SCAI: variants seen among roughly 807,000 people sequenced by gnomAD.
SCAI encodes suppressor of cancer cell invasion, also known as protein SCAI.
In SCAI, 24 loss-of-function variants were observed where a neutral mutation model predicts 92.2. The ratio of observed to expected loss-of-function variants is 0.26; its 90% CI spans 0.19 to 0.37. SCAI has a LOEUF of 0.37. Ranked by LOEUF, SCAI falls within the 10% of genes least tolerant of loss-of-function variation. The pLI is 1.00. For synonymous variants in SCAI, 261 were observed against 258.6 expected (o/e 1.01, Z -0.09); for missense variants, 450 against 736.2 (o/e 0.61, Z 4.50).
intron 2 of SCAI, among the ~76,000 whole-genome samples, chr9:125,116,498 G>GAT (rs1835049651): frequency 6.6e-6 from 1 of 151,920 alleles, no homozygotes; most frequent in African/African-American, 2.4e-5. Flanking sequence ...AGGAATATAG[G>GAT]ATAGACTATA....
At chr9:125,093,412 A>G (rs772527602) in intron 2 of SCAI, among the ~76,000 whole-genome samples, 2 of 152,066 alleles carry the variant, frequency 1.3e-5, no homozygotes, top group South Asian at 2.1e-4. Flanking sequence ...CTCCTTCTCA[A>G]AGTTTCCACT....
intron 3 of SCAI, among the ~76,000 whole-genome samples, chr9:125,034,317 A>T (rs973277527): frequency 1.3e-5 from 2 of 152,206 alleles, no homozygotes; most frequent in African/African-American, 4.8e-5. Flanking sequence ...AAAAGGTAAG[A>T]TCTGGAAGGG....
chr9:125,042,634 T>TGTGTGTGTGTGTACACAC lies in SCAI; in HGVS notation c.231-12896_231-12895insGTGTGTACACACACACAC, dbSNP rs761672178. ...CAGAGTATGTGTGTGTGTGTGTGTG[T>TGTGTGTGTGTGTACACAC]ACACACACACACACACACACACACA... On this transcript the variant is annotated intron_variant, in intron 3 of 17. Transcript: ENST00000336505. 5.2e-5 allele frequency among the ~76,000 whole-genome samples: 5 copies of TGTGTGTGTGTGTACACAC among 96,218 alleles called. No homozygotes were observed. In the East Asian group the frequency reaches 1.0e-3, roughly 19 times the overall value. The allele number at this position is 96,218 out of a possible 152,430, so 63.1% of individuals were successfully genotyped here. A position where few individuals can be genotyped will look rare whatever the true frequency, so the allele number is the denominator to read the frequency against.
intron 2 of SCAI, among the ~76,000 whole-genome samples, chr9:125,107,206 C>A (rs374630981): frequency 6.6e-6 from 1 of 151,796 alleles, no homozygotes; most frequent in East Asian, 1.9e-4. Flanking sequence ...GTCAGGAGAT[C>A]GAGACCATCC....
At chr9:124,988,088 C>T (rs1393157045) in intron 14 of SCAI, among the ~76,000 whole-genome samples, 2 of 151,982 alleles carry the variant, frequency 1.3e-5, no homozygotes, top group African/African-American at 4.8e-5. Flanking sequence ...CATACACACA[C>T]GCTTCAGGGA....
At chr9:124,979,943 G>A (rs1235647819) in intron 14 of SCAI, among the ~76,000 whole-genome samples, 1 of 151,782 alleles carries the variant, frequency 6.6e-6, no homozygotes, top group Admixed American at 6.6e-5. Flanking sequence ...CCAGCTACTC[G>A]GGAGGCTGAG....
intron 13 of SCAI, among the ~76,000 whole-genome samples, chr9:124,998,600 A>G (rs1244890329): frequency 1.3e-5 from 2 of 152,182 alleles, no homozygotes; most frequent in Admixed American, 6.5e-5. Context: ...GCATGACTAT[A>G]GTTAATAATA....
intron 2 of SCAI, among the ~76,000 whole-genome samples, chr9:125,073,084 T>C (rs1448643448): frequency 2.1e-5 from 3 of 144,922 alleles, no homozygotes; most frequent in South Asian, 2.2e-4. Context: ...ATGAGGATTC[T>C]ATTTTTAATT....
At chr9:124,981,097 G>A (rs142091443) in intron 14 of SCAI, among the ~76,000 whole-genome samples, 11 of 152,230 alleles carry the variant, frequency 7.2e-5, no homozygotes, top group African/African-American at 2.2e-4. Context: ...TGAAGTGTAC[G>A]ATTCAAAGCT....
At chr9:125,107,799 T>TCCCTCTC (rs776768028) in intron 2 of SCAI, among the ~76,000 whole-genome samples, 4 of 151,802 alleles carry the variant, frequency 2.6e-5, no homozygotes, top group South Asian at 4.2e-4. Context: ...GTAAATAAGC[T>TCCCTCTC]CCCTCTCCCC....
chr9:125,113,629 C>T (rs1239477475), intron 2 of SCAI, among the ~76,000 whole-genome samples: 12 of 149,914 alleles, frequency 8.0e-5, no homozygotes, highest in Non-Finnish European at 3.0e-5. Context: ...GTTATATGAT[C>T]ATTATAAAAG....
intron 6 of SCAI, among the ~76,000 whole-genome samples, 191 bp downstream of exon 6, chr9:125,026,621 A>T (rs1446456398): frequency 1.3e-5 from 2 of 152,200 alleles, no homozygotes; most frequent in African/African-American, 4.8e-5. Flanking sequence ...TCTGTTAAAC[A>T]TCTTTGATAT....
chr9:124,986,215 C>T (rs1050253373), intron 14 of SCAI, among the ~76,000 whole-genome samples: 1 of 151,006 alleles, frequency 6.6e-6, no homozygotes, highest in African/African-American at 2.4e-5. Flanking sequence ...CGTTTGAACC[C>T]GGGAGGCGGA....
chr9:125,033,935 G>T (rs553913862), intron 3 of SCAI, among the ~76,000 whole-genome samples: 1 of 152,258 alleles, frequency 6.6e-6, no homozygotes, highest in Admixed American at 6.5e-5. Flanking sequence ...ATTATATGAA[G>T]AAATATCAAT....
intron 12 of SCAI, 49 bp from the exon 13 acceptor site, chr9:125,000,039 T>G (rs758664243): frequency 1.3e-6 from 1 of 772,768 alleles, no homozygotes; most frequent in Non-Finnish European, 2.1e-6. Flanking sequence ...AGACTAACAC[T>G]GACCTGATGT....
chr9:124,955,635 T>A (rs987440135), intron 17 of SCAI, among the ~76,000 whole-genome samples: 4 of 149,342 alleles, frequency 2.7e-5, no homozygotes, highest in African/African-American at 7.4e-5. Context: ...AAAATTTTTT[T>A]AAATAAATAA....
intron 3 of SCAI, among the ~76,000 whole-genome samples, chr9:125,047,513 C>T (rs781216384): frequency 6.6e-6 from 1 of 152,186 alleles, no homozygotes; most frequent in South Asian, 2.1e-4. Flanking sequence ...AAATTACCAA[C>T]AGCCAAAAGA....
At chr9:125,010,035 A>G (rs559688960) in intron 9 of SCAI, among the ~76,000 whole-genome samples, 7 of 152,328 alleles carry the variant, frequency 4.6e-5, no homozygotes, top group Admixed American at 1.3e-4. Flanking sequence ...TCTACTAAAA[A>G]TACAAAAAAT....
Position 125,087,100 on chromosome 9 carries a change from C to T in SCAI, c.99-31093G>A, listed in dbSNP as rs1834338676. ...CCCTATAAATAAGTGTAAGAAGAAA[C>T]AAAGGAATGTAACTAGAGAAAACAG... On this transcript the variant is annotated intron_variant, in intron 2 of 17. Transcript: ENST00000336505. Among the ~76,000 whole-genome samples the T allele has an allele frequency of 3.3e-5, 5 of 152,230 alleles. No individual in the cohort carries two copies. The South Asian group carries it at 1.0e-3, about 32-fold the overall frequency.
Sources: allele counts gnomAD v4.1 joint callset (sites outside exome capture counted in the v4.1 genomes callset), GRCh38; gene constraint gnomAD v4.1.1; transcripts MANE v1.5; gene names NCBI Gene and HGNC (gene_info 2026-07-23, HGNC 2026-07-21).